The following SPECC1 variants were observed in gnomAD, a reference collection of about 807,000 sequenced individuals.
SPECC1 encodes sperm antigen with calponin homology and coiled-coil domains 1.
In SPECC1, 62 loss-of-function variants were observed where a neutral mutation model predicts 104.1. The ratio of observed to expected loss-of-function variants is 0.60; its 90% CI spans 0.49 to 0.74. The LOEUF (loss-of-function observed/expected upper bound fraction) is 0.74, where lower values mean the gene tolerates loss of function less well. SPECC1 is among the 30% of genes least tolerant of loss of function. The probability of loss-of-function intolerance (pLI) is 0.00; values close to 1 mark genes in which losing one functional copy is unlikely to be tolerated. For missense variants in SPECC1, 1,306 were observed against 1,310.5 expected (o/e 1.00, Z 0.05); for synonymous variants, 513 against 501.6 (o/e 1.02, Z -0.30).
chr17:20,074,985 C>A (rs1013294636), intron 1 of SPECC1, among the ~76,000 whole-genome samples: 6 of 152,036 alleles, frequency 3.9e-5, no homozygotes, highest in Non-Finnish European at 5.9e-5. Context: ...TTACTGCAAC[C>A]TCTGCCTCCC....
intron 1 of SPECC1, among the ~76,000 whole-genome samples, chr17:20,077,983 C>T (rs2046826706): frequency 6.6e-6 from 1 of 151,838 alleles, no homozygotes; most frequent in African/African-American, 2.4e-5. Context: ...TTAAAACACA[C>T]ACACACACTG....
intron 1 of SPECC1, among the ~76,000 whole-genome samples, chr17:20,022,671 C>T (rs567788928): frequency 1.8e-4 from 28 of 152,332 alleles, no homozygotes; most frequent in Non-Finnish European, 3.5e-4. Flanking sequence ...GAGGGGTGAG[C>T]TCCTGCTGTT....
intron 3 of SPECC1, among the ~76,000 whole-genome samples, chr17:20,170,264 A>G (rs944547984): frequency 6.6e-6 from 1 of 152,206 alleles, no homozygotes; most frequent in Non-Finnish European, 1.5e-5. Flanking sequence ...ATGGTCTCCA[A>G]CACTCTGCAG....
chr17:20,028,621 G>A (rs1285915522), intron 1 of SPECC1, among the ~76,000 whole-genome samples: 2 of 152,114 alleles, frequency 1.3e-5, no homozygotes, highest in African/African-American at 4.8e-5. Flanking sequence ...TTGCTGTGTC[G>A]TAACATTTGC....
At chr17:20,156,105 A>C (rs2032470658) in intron 3 of SPECC1, 1 of 1,359,032 alleles carries the variant, frequency 7.4e-7, no homozygotes. Context: ...CGCCGGACGC[A>C]ACCGCCTCGC....
chr17:20,257,754 G>A, intron 11 of SPECC1, 147 bp downstream of exon 11: 2 of 1,119,434 alleles, frequency 1.8e-6, no homozygotes, highest in Admixed American at 5.5e-5. Context: ...CCCTTGGTGA[G>A]TCTAAAAGGA....
At chr17:20,125,122 G>A (rs2049227902) in intron 3 of SPECC1, among the ~76,000 whole-genome samples, 1 of 152,320 alleles carries the variant, frequency 6.6e-6, no homozygotes, top group South Asian at 2.1e-4. Flanking sequence ...GGAGCTTGCA[G>A]TGAGCCGAGA....
At chr17:20,086,079 C>G (rs191563688) in intron 1 of SPECC1, among the ~76,000 whole-genome samples, 1 of 152,316 alleles carries the variant, frequency 6.6e-6, no homozygotes, top group Admixed American at 6.5e-5. Flanking sequence ...TCTGGGATGG[C>G]TGCTGCCATC....
At chr17:20,094,963 C>T (rs1376117597) in intron 1 of SPECC1, among the ~76,000 whole-genome samples, 7 of 152,314 alleles carry the variant, frequency 4.6e-5, no homozygotes, top group Non-Finnish European at 7.4e-5. Context: ...TAAACAGATA[C>T]TTTATTAAGT....
intron 12 of SPECC1, among the ~76,000 whole-genome samples, chr17:20,262,879 A>G (rs992740539): frequency 6.6e-6 from 1 of 152,138 alleles, no homozygotes; most frequent in African/African-American, 2.4e-5. Flanking sequence ...TTATGTTAAA[A>G]AAGAAAAAGA....
chr17:20,274,459 G>A (rs2151643918), intron 12 of SPECC1, among the ~76,000 whole-genome samples: 1 of 150,266 alleles, frequency 6.7e-6, no homozygotes, highest in East Asian at 1.9e-4. Context: ...GGTTTTCTAG[G>A]TAAACTATTA....
At chr17:20,160,337 G>C (rs1384651549) in intron 3 of SPECC1, among the ~76,000 whole-genome samples, 1 of 152,122 alleles carries the variant, frequency 6.6e-6, no homozygotes, top group Non-Finnish European at 1.5e-5. Context: ...CAGCAGTCGG[G>C]AGAGGAGAAG....
intron 1 of SPECC1, among the ~76,000 whole-genome samples, chr17:20,051,079 T>C (rs963666933): frequency 6.5e-5 from 4 of 61,418 alleles, no homozygotes; most frequent in African/African-American, 2.8e-4. Flanking sequence ...TTTCTTTCTT[T>C]CTTTCTTTCT....
intron 1 of SPECC1, among the ~76,000 whole-genome samples, chr17:20,034,560 A>G (rs1370790084): frequency 6.6e-6 from 1 of 151,716 alleles, no homozygotes; most frequent in Admixed American, 6.6e-5. Flanking sequence ...ATCAAGTGTA[A>G]GAATTCTTTA....
At chr17:20,013,983 A>T (rs576182296) in intron 1 of SPECC1, among the ~76,000 whole-genome samples, 1 of 152,176 alleles carries the variant, frequency 6.6e-6, no homozygotes, top group Non-Finnish European at 1.5e-5. Flanking sequence ...TTGAGTGTGT[A>T]TCTGGGAGTG....
At chr17:20,249,474 T>A (rs2039543440) in intron 9 of SPECC1, among the ~76,000 whole-genome samples, 1 of 151,758 alleles carries the variant, frequency 6.6e-6, no homozygotes, top group South Asian at 2.1e-4. Context: ...TACCAAATGA[T>A]GAAAAGCCAA....
rs57991209 is a variant in SPECC1 at position 20,182,119 on chromosome 17, C to CTTTTTTTTTT, written c.284-22213_284-22204dup. On this transcript the variant is annotated intron_variant, in intron 3 of 14. Transcript: ENST00000395527. ...CAATTTTTTCTTTTTCTTTCTTTTT[C>CTTTTTTTTTT]TTTTTTTTTTGGAGACAGGGCCTCA... Among the ~76,000 whole-genome samples the CTTTTTTTTTT allele has an allele frequency of 1.3e-3, 171 of 136,572 alleles. 4 individuals are homozygous for CTTTTTTTTTT. Among genetic ancestry groups the CTTTTTTTTTT allele is most frequent in the Middle Eastern group, 7.6e-3 (2 of 262 alleles). The allele number at this position is 136,572 out of a possible 152,430, so 89.6% of individuals were successfully genotyped here. A position where few individuals can be genotyped will look rare whatever the true frequency, so the allele number is the denominator to read the frequency against.
At chr17:20,026,671 T>C (rs759041208) in intron 1 of SPECC1, among the ~76,000 whole-genome samples, 15 of 152,218 alleles carry the variant, frequency 9.9e-5, no homozygotes, top group Non-Finnish European at 1.0e-4. Flanking sequence ...ACATTTTCTT[T>C]ATCCATTCAT....
intron 3 of SPECC1, among the ~76,000 whole-genome samples, chr17:20,176,292 C>T (rs1258981535): frequency 1.3e-5 from 2 of 152,006 alleles, no homozygotes; most frequent in African/African-American, 4.8e-5. Flanking sequence ...AATCTTAACC[C>T]CTTCTCTTTT....
Sources: gnomAD v4.1 joint callset for allele counts (sites outside exome capture counted in the v4.1 genomes callset) on GRCh38, gnomAD v4.1.1 for gene constraint, MANE v1.5 for transcripts, NCBI Gene and HGNC (gene_info 2026-07-23, HGNC 2026-07-21) for gene names.